The following RHBDD1 variants were observed in gnomAD, a reference collection of about 807,000 sequenced individuals.
RHBDD1 encodes rhomboid-related protein 4.
RHBDD1 carries 38 observed loss-of-function variants against 36.3 expected under a neutral mutation model. That is an observed-to-expected ratio of 1.05 (90% CI 0.81 to 1.37). The LOEUF is 1.37. RHBDD1 is among the 40% of genes most tolerant of loss of function. The pLI is 0.00. For synonymous variants in RHBDD1, 151 were observed against 136.5 expected, an observed-to-expected ratio of 1.11 and a Z score of -0.74; for missense variants, 393 against 377.6, an observed-to-expected ratio of 1.04 and a Z score of -0.34.
At chr2:226,885,287 T>TA (rs1471872274) in intron 5 of RHBDD1, among the ~76,000 whole-genome samples, 4 of 152,160 alleles carry the variant, frequency 2.6e-5, no homozygotes, top group Non-Finnish European at 5.9e-5. Flanking sequence ...TCAAGATTTG[T>TA]AAAAAGGTTT....
intron 8 of RHBDD1, among the ~76,000 whole-genome samples, chr2:226,922,202 CTTTTTTT>C (rs1017204610): frequency 2.9e-5 from 3 of 105,040 alleles, no homozygotes; most frequent in Non-Finnish European, 3.7e-5. Context: ...TATCTTTTTC[CTTTTTTT>C]TTTTTTTTTT....
intron 8 of RHBDD1, among the ~76,000 whole-genome samples, chr2:226,959,639 C>G (rs1266123607): frequency 2.6e-5 from 4 of 152,196 alleles, no homozygotes; most frequent in African/African-American, 9.6e-5. Context: ...ATACCATAAT[C>G]TGTTTATCCA....
intron 8 of RHBDD1, among the ~76,000 whole-genome samples, chr2:226,925,955 G>A (rs1005471876): frequency 3.3e-5 from 5 of 152,038 alleles, no homozygotes; most frequent in Admixed American, 2.6e-4. Context: ...GTTTCAGAGG[G>A]GAAAGGGAAG....
At chr2:226,856,139 G>T (rs991493647) in intron 3 of RHBDD1, among the ~76,000 whole-genome samples, 1 of 152,090 alleles carries the variant, frequency 6.6e-6, no homozygotes, top group South Asian at 2.1e-4. Context: ...ATTGAACATG[G>T]TGTAATGATG....
intron 8 of RHBDD1, among the ~76,000 whole-genome samples, chr2:226,983,552 A>C (rs1956261344): frequency 6.6e-6 from 1 of 152,046 alleles, no homozygotes; most frequent in South Asian, 2.1e-4. Flanking sequence ...CCACTCGGGG[A>C]TGGTTGTTCT....
intron 8 of RHBDD1, among the ~76,000 whole-genome samples, chr2:226,921,819 A>T (rs559212087): frequency 6.6e-6 from 1 of 152,278 alleles, no homozygotes; most frequent in Admixed American, 6.5e-5. Context: ...CAGCTGTTGG[A>T]TGAAATGTTC....
chr2:226,890,259 A>G (rs1946575041), intron 5 of RHBDD1, among the ~76,000 whole-genome samples: 1 of 152,178 alleles, frequency 6.6e-6, no homozygotes, highest in Non-Finnish European at 1.5e-5. Context: ...AAACAGTGAG[A>G]TGTTTGAGTT....
rs375277152 is a variant in RHBDD1, at chr2:226,995,391, G to A, written c.857-40G>A. ...TCCTAGGGTACACATGCCTTGTCAC[G>A]TCAGAATGATTGATTTTTCCTTTGG... On this transcript the variant is annotated intron_variant, in intron 8 of 8. Transcript: ENST00000392062. 209 of 1,329,566 alleles carry A rather than the reference G, an allele frequency of 1.6e-4. 2 individuals are homozygous for A. The African/African-American group carries it at 1.8e-3, about 12-fold the overall frequency. The allele number at this position is 1,329,566 out of a possible 1,614,324, so 82.4% of individuals were successfully genotyped here. A position where few individuals can be genotyped will look rare whatever the true frequency, so the allele number is the denominator to read the frequency against.
rs142548037 is a variant in RHBDD1, at chr2:226,974,995, G to A, written c.857-20436G>A. Among the ~76,000 whole-genome samples the A allele has an allele frequency of 2.2e-4, 34 of 152,310 alleles. No homozygotes were observed. In the East Asian group the frequency reaches 5.4e-3, roughly 24 times the overall value. ...TGCTCTGATGGCCACACGTGAATCA[G>A]CAGCAGTGACTCCTTGGTACGTGGA... On this transcript the variant is annotated intron_variant, in intron 8 of 8. Transcript: ENST00000392062.
At chr2:226,907,193 C>A (rs577764149) in intron 6 of RHBDD1, among the ~76,000 whole-genome samples, 1 of 152,168 alleles carries the variant, frequency 6.6e-6, no homozygotes, top group Non-Finnish European at 1.5e-5. Context: ...ACTAAAGTGC[C>A]TTTAAAATAA....
At chr2:226,860,627 C>G (rs1273010838) in intron 3 of RHBDD1, among the ~76,000 whole-genome samples, 1 of 152,184 alleles carries the variant, frequency 6.6e-6, no homozygotes, top group Non-Finnish European at 1.5e-5. Flanking sequence ...GCATCCCTCA[C>G]CTTGGATGGC....
At chr2:226,857,288 C>A (rs1322315869) in intron 3 of RHBDD1, among the ~76,000 whole-genome samples, 1 of 152,020 alleles carries the variant, frequency 6.6e-6, no homozygotes, top group Non-Finnish European at 1.5e-5. Flanking sequence ...TGGATAAATA[C>A]AAGCATTGTT....
At chr2:226,948,564 T>TAAAAAAAAAAAAAAAAAAAAAAAAAA (rs56325989) in intron 8 of RHBDD1, among the ~76,000 whole-genome samples, 1 of 23,550 alleles carries the variant, frequency 4.2e-5, no homozygotes, top group Non-Finnish European at 8.3e-5. Context: ...ACTTAAAGTA[T>TAAAAAAAAAAAAAAAAAAAAAAAAAA]AAAAAAAAAA....
At chr2:226,986,400 G>T (rs1254443301) in intron 8 of RHBDD1, among the ~76,000 whole-genome samples, 1 of 152,184 alleles carries the variant, frequency 6.6e-6, no homozygotes, top group African/African-American at 2.4e-5. Flanking sequence ...TTAACATTTA[G>T]GGAATAGACT....
chr2:226,810,476 A>T, the RHBDD1 span, among the ~76,000 whole-genome samples: 1 of 135,802 alleles, frequency 7.4e-6, no homozygotes, highest in African/African-American at 2.8e-5. Flanking sequence ...GGGAGGTGGA[A>T]GTTTCAGTGA....
At chr2:226,800,567 TC>T in the RHBDD1 span, among the ~76,000 whole-genome samples, 2 of 152,074 alleles carry the variant, frequency 1.3e-5, no homozygotes, top group African/African-American at 2.4e-5. Context: ...TTTCTCCTGC[TC>T]CCCTTGCCCA....
chr2:226,801,481 C>A, the RHBDD1 span, among the ~76,000 whole-genome samples: 1 of 152,210 alleles, frequency 6.6e-6, no homozygotes, highest in Non-Finnish European at 1.5e-5. Flanking sequence ...TGCAGAGGGG[C>A]TCCTCCCCAC....
At chr2:226,898,446 T>A (rs1398499225) in intron 5 of RHBDD1, among the ~76,000 whole-genome samples, 2 of 152,190 alleles carry the variant, frequency 1.3e-5, no homozygotes, top group Non-Finnish European at 2.9e-5. Context: ...GTTTAATAAA[T>A]CATCATGGAT....
intron 8 of RHBDD1, among the ~76,000 whole-genome samples, chr2:226,951,935 C>T (rs1023528237): frequency 6.6e-6 from 1 of 152,200 alleles, no homozygotes; most frequent in African/African-American, 2.4e-5. Context: ...TTTTAAATAA[C>T]TAGAGGAGAT....
Sources: gnomAD v4.1 joint callset for allele counts (sites outside exome capture counted in the v4.1 genomes callset) on GRCh38, gnomAD v4.1.1 for gene constraint, MANE v1.5 for transcripts, NCBI Gene and HGNC (gene_info 2026-07-23, HGNC 2026-07-21) for gene names.